Variants in AP3S2 observed in about 807,000 individuals in gnomAD.
The protein encoded by AP3S2 is AP-3 complex subunit sigma-2.
AP3S2 carries 22 observed loss-of-function variants against 23.4 expected under a neutral mutation model. The observed-to-expected ratio is 0.94, with a 90% CI of 0.67 to 1.34. The LOEUF is 1.34. Among genes scored for constraint, AP3S2 ranks in the 40% most tolerant of loss-of-function variants. The pLI is 0.00. For missense variants in AP3S2, 241 were observed against 236.9 expected (o/e 1.02, Z -0.11); for synonymous variants, 86 against 87.1 (o/e 0.99, Z 0.07).
intron 4 of AP3S2, among the ~76,000 whole-genome samples, chr15:89,858,226 T>A (rs967979126): frequency 6.6e-6 from 1 of 151,470 alleles, no homozygotes; most frequent in African/African-American, 2.4e-5. Flanking sequence ...TCACCTGAGG[T>A]TGGGAGTTTG....
At chr15:89,852,954 C>T (rs1430354258) in intron 4 of AP3S2, among the ~76,000 whole-genome samples, 1 of 152,178 alleles carries the variant, frequency 6.6e-6, no homozygotes, top group Non-Finnish European at 1.5e-5. Flanking sequence ...TGGGCATGCT[C>T]ATGGAGGTCT....
intron 4 of AP3S2, 59 bp from the exon 5 acceptor site, chr15:89,837,781 A>T (rs1049968628): frequency 6.2e-7 from 1 of 1,602,896 alleles, no homozygotes; most frequent in African/African-American, 1.3e-5. Flanking sequence ...AGTGTAACCC[A>T]CGAGGTTTCC....
At chr15:89,862,190 C>T (rs952208752) in intron 4 of AP3S2, among the ~76,000 whole-genome samples, 4 of 152,002 alleles carry the variant, frequency 2.6e-5, no homozygotes, top group African/African-American at 9.7e-5. Flanking sequence ...AGAAAACCTG[C>T]CAGAAACAAT....
At chr15:89,868,391 G>GT (rs1178375970) in intron 4 of AP3S2, among the ~76,000 whole-genome samples, 1 of 72,808 alleles carries the variant, frequency 1.4e-5, no homozygotes. Flanking sequence ...GAGGGAGGTG[G>GT]GGGGGTCAGC....
chr15:89,883,310 T>G (rs530902527), intron 3 of AP3S2, among the ~76,000 whole-genome samples: 37 of 152,332 alleles, frequency 2.4e-4, no homozygotes, highest in African/African-American at 5.0e-4. Flanking sequence ...CTTACCTCTC[T>G]TTCTTTCTTT....
chr15:89,837,735 C>T lies in AP3S2; in HGVS notation c.346-13G>A, dbSNP rs1439829584. On this transcript the variant is annotated splice_polypyrimidine_tract_variant and intron_variant, in intron 4 of 5. Coordinates refer to ENST00000336418, the MANE Select transcript of AP3S2 (RefSeq NM_005829.5). Reference sequence around the variant, plus strand: ...GGATGTAGTGCACCTAAAAGGGAAGCAAAAATCAGGAGTCAGAATACTCTG... The same window carrying T: ...GGATGTAGTGCACCTAAAAGGGAAGTAAAAATCAGGAGTCAGAATACTCTG... 1 of 1,609,746 alleles carries T rather than the reference C, an allele frequency of 6.2e-7. No individual in the cohort carries two copies. Among genetic ancestry groups the T allele is most frequent in the African/African-American group, 1.3e-5 (1 of 74,488 alleles).
In AP3S2 at chr15:89,834,302, T is replaced by C. The variant is rs1380210339; in HGVS notation, c.*1213A>G. On this transcript the variant is annotated 3_prime_UTR_variant, in exon 6 of 6. Coordinates refer to ENST00000336418, the MANE Select transcript of AP3S2 (RefSeq NM_005829.5). ...ATCATTCACAACACAGCAACAAACCTTCTGCTCTCATGAGGAGAATGTATT... is the reference window on the plus strand; with the variant it reads ...ATCATTCACAACACAGCAACAAACCCTCTGCTCTCATGAGGAGAATGTATT... 6.6e-6 allele frequency: 1 copy of C among 152,232 alleles called. No individual in the cohort carries two copies. The highest frequency in any genetic ancestry group is 1.5e-5 in the Non-Finnish European group (1 of 68,034). The allele number at this position is 152,232 out of a possible 1,614,324, so 9.4% of individuals were successfully genotyped here.
intron 4 of AP3S2, among the ~76,000 whole-genome samples, chr15:89,858,955 G>A (rs375540358): frequency 2.0e-5 from 3 of 152,186 alleles, no homozygotes; most frequent in Non-Finnish European, 2.9e-5. Context: ...TAAGGAAAGC[G>A]AGTGTGTATA....
chr15:89,850,376 A>T (rs1037072092), intron 4 of AP3S2, among the ~76,000 whole-genome samples: 4 of 152,238 alleles, frequency 2.6e-5, no homozygotes, highest in Admixed American at 2.6e-4. Context: ...GCCTTGTCTT[A>T]CACATCAGAT....
In AP3S2 at chr15:89,836,651, A is replaced by G. The variant is rs79067173; in HGVS notation, c.453+964T>C. ...AAAAGTGGATGAAAACTCTCTCACA[A>G]TCATTTTTCCCCTATTGCCTTCTTT... On this transcript the variant is annotated intron_variant, in intron 5 of 5. Transcript: ENST00000336418. Among the ~76,000 whole-genome samples the G allele has an allele frequency of 9.6e-4, 146 of 152,238 alleles. 1 individual carries two copies. The East Asian group carries it at 0.026, about 27-fold the overall frequency.
intron 4 of AP3S2, among the ~76,000 whole-genome samples, chr15:89,853,104 G>T (rs551053943): frequency 4.3e-4 from 65 of 152,318 alleles, no homozygotes; most frequent in African/African-American, 1.6e-3. Context: ...TTTGAGGAAG[G>T]TGGTGGAGGG....
chr15:89,879,670 A>G (rs1896524720), intron 3 of AP3S2, among the ~76,000 whole-genome samples: 1 of 152,112 alleles, frequency 6.6e-6, no homozygotes, highest in Non-Finnish European at 1.5e-5. Context: ...CAGTGGCACA[A>G]TCTCGGCTCT....
Position 89,831,115 on chromosome 15 carries a change from A to G in AP3S2, c.*4400T>C, listed in dbSNP as rs561116008. 2 of 152,392 alleles carry G rather than the reference A, an allele frequency of 1.3e-5. No homozygotes were observed. Among genetic ancestry groups the G allele is most frequent in the South Asian group, 2.1e-4 (1 of 4,834 alleles). The allele number at this position is 152,392 out of a possible 1,614,324, so 9.4% of individuals were successfully genotyped here. A position where few individuals can be genotyped will look rare whatever the true frequency, so the allele number is the denominator to read the frequency against. The stretch of plus-strand genomic sequence containing the variant: ...TTCCTTTTTTGAAAGGAAAATTGAA[A>G]TAGGAAAAAATTTTAAGTCTTTTGG... On this transcript the variant is annotated 3_prime_UTR_variant, in exon 6 of 6. Coordinates refer to ENST00000336418, the MANE Select transcript of AP3S2 (RefSeq NM_005829.5).
intron 3 of AP3S2, among the ~76,000 whole-genome samples, chr15:89,885,170 G>A (rs993751377): frequency 2.0e-5 from 3 of 150,102 alleles, no homozygotes; most frequent in African/African-American, 7.3e-5. Flanking sequence ...GTGCCTTTAT[G>A]TTGACCTCAT....
chr15:89,849,128 G>C (rs1895571387), intron 4 of AP3S2: 1 of 152,056 alleles, frequency 6.6e-6, no homozygotes, highest in Non-Finnish European at 1.5e-5. Context: ...TGAACAACAT[G>C]GAACACATTA....
At chr15:89,885,698 T>A (rs1182332591) in intron 3 of AP3S2, among the ~76,000 whole-genome samples, 2 of 152,206 alleles carry the variant, frequency 1.3e-5, no homozygotes, top group African/African-American at 4.8e-5. Context: ...TCCCAGCAAT[T>A]TGGGAGGCCA....
chr15:89,835,364 T>C lies in AP3S2; in HGVS notation c.*151A>G. The C allele has an allele frequency of 1.5e-6, 2 of 1,367,722 alleles. No individual in the cohort carries two copies. The highest frequency in any genetic ancestry group is 2.0e-6 in the Non-Finnish European group (2 of 1,007,960). 84.7% of individuals were successfully genotyped at this position (1,367,722 alleles called of 1,614,324 possible). ...AGTGTCAATAGGAATCCCTTCCCTA[T>C]TCCATGCCAAACAGTCTTCCCCAGA... On this transcript the variant is annotated 3_prime_UTR_variant, in exon 6 of 6. Coordinates refer to ENST00000336418, the MANE Select transcript of AP3S2 (RefSeq NM_005829.5).
At chr15:89,874,162 T>TAA (rs1295973372) in intron 3 of AP3S2, among the ~76,000 whole-genome samples, 1 of 151,632 alleles carries the variant, frequency 6.6e-6, no homozygotes, top group African/African-American at 2.4e-5. Flanking sequence ...CCTTTCTTTA[T>TAA]ATGGTGTCCA....
chr15:89,844,626 G>C (rs114963725), intron 4 of AP3S2, among the ~76,000 whole-genome samples: 2,032 of 152,034 alleles, frequency 0.013, 63 homozygotes, highest in African/African-American at 0.046. Context: ...TGGGATTACA[G>C]GTGTGAGCCA....
Sources: gnomAD v4.1 joint callset for allele counts (sites outside exome capture counted in the v4.1 genomes callset) on GRCh38, gnomAD v4.1.1 for gene constraint, MANE v1.5 for transcripts, NCBI Gene and HGNC (gene_info 2026-07-23, HGNC 2026-07-21) for gene names.